The following GAA variants were observed in gnomAD, a reference collection of about 807,000 sequenced individuals.
GAA encodes the protein lysosomal alpha-glucosidase.
A neutral mutation model predicts 103.9 loss-of-function variants in GAA; 88 were observed. That is an observed-to-expected ratio of 0.85 (90% CI 0.71 to 1.01). The LOEUF (loss-of-function observed/expected upper bound fraction) is 1.01, where lower values mean the gene tolerates loss of function less well. Ranked by LOEUF, GAA falls within the 50% of genes least tolerant of loss-of-function variation. The pLI is 0.00. For synonymous variants in GAA, 572 were observed against 563.1 expected (o/e 1.02, Z -0.22); for missense variants, 1,350 against 1,305.3 (o/e 1.03, Z -0.53).
At chr17:80,106,019 G>C (rs754312456) in intron 3 of GAA, 125 bp downstream of exon 3, 18 of 1,296,562 alleles carry the variant, frequency 1.4e-5, no homozygotes, top group Non-Finnish European at 1.7e-5. Context: ...TTTCTCACAC[G>C]GCGGGGAGGG....
rs1598584611 is a variant in GAA at position 80,112,623 on chromosome 17, C to T, written c.1800C>T (p.Arg600=). 3.7e-6 allele frequency: 6 copies of T among 1,613,034 alleles called. No homozygotes were observed. The highest frequency in any genetic ancestry group is 1.7e-5 in the Admixed American group (1 of 60,028). ...ARGTRPFVIS[R]STFAGHGRYA... Reference sequence around the variant, plus strand: ...GGACACGCCCATTTGTGATCTCCCGCTCGACCTTTGCTGGCCACGGCCGAT... The same window carrying T: ...GGACACGCCCATTTGTGATCTCCCGTTCGACCTTTGCTGGCCACGGCCGAT... Residue 600 remains arginine (R), a synonymous_variant, in exon 13 of 20, where the codon CGC becomes CGT. Transcript: ENST00000302262.
In GAA at chr17:80,110,024, CCAA is replaced by C. The variant is rs748893499; in HGVS notation, c.1408_1410del (p.Asn470del). On this transcript the variant is annotated inframe_deletion, in exon 9 of 20. Coordinates refer to ENST00000302262, the MANE Select transcript of GAA (RefSeq NM_000152.5). ...GGTCTGCGGAGGGGGGTTTTCATCA[CCAA>C]CGAGACCGGCCAGCCGCTGATTGGG... is the stretch of plus-strand genomic sequence containing the variant. The C allele has an allele frequency of 2.5e-6, 4 of 1,613,282 alleles. No homozygotes were observed. Among genetic ancestry groups the C allele is most frequent in the East Asian group, 2.2e-5 (1 of 44,874 alleles).
In GAA at chr17:80,104,838, C is replaced by T. The variant is rs775079960; in HGVS notation, c.252C>T (p.Val84=). Residue 84 remains valine (V), a synonymous_variant, in exon 2 of 20, where the codon GTC becomes GTT. Coordinates refer to ENST00000302262, the MANE Select transcript of GAA (RefSeq NM_000152.5). This position sits in a 1 kb window ranked among gnomAD's most constrained non-coding sequence, Gnocchi z 4.0. ...GAGCAGTGCCCACACAGTGCGACGT[C>T]CCCCCCAACAGCCGCTTCGATTGCG... ...RPRAVPTQCD[V]PPNSRFDCAP... 5 of 1,612,208 alleles carry T rather than the reference C, an allele frequency of 3.1e-6. No individual in the cohort carries two copies. The highest frequency in any genetic ancestry group is 4.5e-5 in the East Asian group (2 of 44,842).
chr17:80,117,170 C>T (rs1011039293), intron 16 of GAA, 61 bp downstream of exon 16: 1 of 1,557,278 alleles, frequency 6.4e-7, no homozygotes, highest in Non-Finnish European at 8.8e-7. Context: ...TCCCACCTGC[C>T]CCCTCCACCC....
chr17:80,110,124 C>T (rs2039197716), intron 9 of GAA, 69 bp downstream of exon 9: 1 of 1,256,116 alleles, frequency 8.0e-7, no homozygotes, highest in African/African-American at 1.5e-5. Flanking sequence ...CCGGCAGCTG[C>T]TCAGGAAGAC....
In GAA at chr17:80,104,799, C is replaced by T. The variant is rs763739885; in HGVS notation, c.213C>T (p.His71=). ...CAGGGCCCCGGGATGCCCAGGCACA[C>T]CCCGGCCGTCCCAGAGCAGTGCCCA... The part of the protein sequence containing the change: ...SRPGPRDAQA[H]PGRPRAVPTQ... The change falls in exon 2 of 20, where the codon CAC becomes CAT. Residue 71 remains histidine, a synonymous_variant. Transcript: ENST00000302262. This position sits in a 1 kb window ranked among gnomAD's most constrained non-coding sequence, Gnocchi z 4.0. 1 of 1,611,952 alleles carries T rather than the reference C, an allele frequency of 6.2e-7. No homozygotes were observed. The highest frequency in any genetic ancestry group is 8.5e-7 in the Non-Finnish European group (1 of 1,179,622).
intron 5 of GAA, 74 bp downstream of exon 5, chr17:80,107,970 A>G: frequency 7.2e-7 from 1 of 1,397,718 alleles, no homozygotes; most frequent in Non-Finnish European, 9.9e-7. Context: ...GGAGGTCCGC[A>G]TGAGGGGCCC....
intron 2 of GAA, 145 bp downstream of exon 2, chr17:80,105,277 C>T (rs2039054773): frequency 8.5e-6 from 7 of 824,900 alleles, no homozygotes; most frequent in Admixed American, 2.8e-5. Context: ...CAGACAATGG[C>T]AGCGCCCCTC....
rs775172804 is a variant in GAA at position 80,108,523 on chromosome 17, C to T, written c.1110C>T (p.Gly370=). ...TCATGCCGCCATACTGGGGCCTGGG[C>T]TTCCACCTGTGCCGCTGGGGCTACT... The part of the protein sequence containing the change: ...YPFMPPYWGL[G]FHLCRWGYSS... The change falls in exon 7 of 20, where the codon GGC becomes GGT. Residue 370 remains glycine, a synonymous_variant. Coordinates refer to ENST00000302262, the MANE Select transcript of GAA (RefSeq NM_000152.5). The T allele has an allele frequency of 5.0e-6, 8 of 1,613,126 alleles. No individual in the cohort carries two copies. Among genetic ancestry groups the T allele is most frequent in the Non-Finnish European group, 6.8e-6 (8 of 1,179,960 alleles).
Position 80,119,334 on chromosome 17 carries a change from G to C in GAA, c.*3G>C. ...AGTTTCTCGTCAGCTGGTGTTAGCC[G>C]GGCGGAGTGTGTTAGTCTCTCCAGA... is the stretch of plus-strand genomic sequence containing the variant. On this transcript the variant is annotated 3_prime_UTR_variant, in exon 20 of 20. Transcript: ENST00000302262. 6.2e-7 allele frequency: 1 copy of C among 1,613,266 alleles called. No individual in the cohort carries two copies. Among genetic ancestry groups the C allele is most frequent in the Non-Finnish European group, 8.5e-7 (1 of 1,179,312 alleles).
At chr17:80,103,463 G>A (rs2038999946) in intron 1 of GAA, among the ~76,000 whole-genome samples, 1 of 152,146 alleles carries the variant, frequency 6.6e-6, no homozygotes, top group South Asian at 2.1e-4. Context: ...ACACACCAAA[G>A]GGACTCCCCT....
chr17:80,118,818 A>G lies in GAA; in HGVS notation c.2799+13A>G. 2 of 1,612,718 alleles carry G rather than the reference A, an allele frequency of 1.2e-6. No individual in the cohort carries two copies. Among genetic ancestry groups the G allele is most frequent in the Non-Finnish European group, 1.7e-6 (2 of 1,179,996 alleles). On this transcript the variant is annotated intron_variant, in intron 19 of 19. Coordinates refer to ENST00000302262, the MANE Select transcript of GAA (RefSeq NM_000152.5). The stretch of plus-strand genomic sequence containing the variant: ...CCCCGACACCAAGGCAAGAGGGCCC[A>G]GAGTGGCACAGGGATCGCGTCCCCC...
Position 80,118,745 on chromosome 17 carries a change from C to G in GAA, c.2739C>G (p.Pro913=), listed in dbSNP as rs370765733. 57 of 1,613,408 alleles carry G rather than the reference C, an allele frequency of 3.5e-5. No homozygotes were observed. Among genetic ancestry groups the G allele is most frequent in the Non-Finnish European group, 4.8e-5 (57 of 1,180,024 alleles). ...KVTVLGVATA[P]QQVLSNGVPV... is the part of the protein sequence containing the mutation. ...CTGTCCTGGGCGTGGCCACGGCGCC[C>G]CAGCAGGTCCTCTCCAACGGTGTCC... The change falls in exon 19 of 20, where the codon CCC becomes CCG. Residue 913 remains proline, a synonymous_variant. Coordinates refer to ENST00000302262, the MANE Select transcript of GAA (RefSeq NM_000152.5).
At chr17:80,105,396 C>G (rs553993747) in intron 2 of GAA, among the ~76,000 whole-genome samples, 40 of 152,270 alleles carry the variant, frequency 2.6e-4, no homozygotes, top group African/African-American at 9.6e-4. Flanking sequence ...CCAGAGGTTG[C>G]GAATGAAAAC....
In GAA at chr17:80,110,851, C is replaced by A; in HGVS notation, c.1551+11C>A. ...GACGGCATGTGGATTGTAAGTGTGG[C>A]CCCCTCCTGAGCATCCCCAAGGCCT... On this transcript the variant is annotated intron_variant, in intron 10 of 19. Coordinates refer to ENST00000302262, the MANE Select transcript of GAA (RefSeq NM_000152.5). 1 of 1,613,596 alleles carries A rather than the reference C, an allele frequency of 6.2e-7. No individual in the cohort carries two copies. Among genetic ancestry groups the A allele is most frequent in the South Asian group, 1.1e-5 (1 of 91,074 alleles).
At chr17:80,110,238 C>T (rs989346622) in intron 9 of GAA, among the ~76,000 whole-genome samples, 183 bp downstream of exon 9, 1 of 152,260 alleles carries the variant, frequency 6.6e-6, no homozygotes, top group Non-Finnish European at 1.5e-5. Flanking sequence ...CCCGTGAGTT[C>T]TTCCATCAGC....
rs775450536 is a variant in GAA, at chr17:80,112,604, G to C, written c.1781G>C (p.Arg594Pro). 1.2e-6 allele frequency: 2 copies of C among 1,612,944 alleles called. No individual in the cohort carries two copies. The highest frequency in any genetic ancestry group is 8.5e-7 in the Non-Finnish European group (1 of 1,179,952). ...GCGCTGGTGAAGGCTCGGGGGACAC[G>C]CCCATTTGTGATCTCCCGCTCGACC... is the stretch of plus-strand genomic sequence containing the variant. Reference protein sequence around the residue: ...HRALVKARGTRPFVISRSTFA... With the variant: ...HRALVKARGTPPFVISRSTFA... The change falls in exon 13 of 20, where the codon CGC becomes CCC. Residue 594 changes from arginine to proline, a missense_variant. By Grantham distance (103) the Arg-to-Pro change is moderately radical (BLOSUM62 -2). Transcript: ENST00000302262.
chr17:80,117,047 C>T lies in GAA; in HGVS notation c.2269C>T (p.Gln757Ter), dbSNP rs200483245. The change falls in exon 16 of 20, where the codon CAG (glutamine) becomes TAG (stop). Residue 757 changes from glutamine (Q) to a stop codon, truncating the protein, a stop_gained. Transcript: ENST00000302262. LOFTEE classifies it high-confidence loss of function. ...GEALLITPVL[Q>*]AGKAEVTGYF... ...GGCCCTGCTCATCACCCCAGTGCTCCAGGCCGGGAAGGCCGAAGTGACTGG... is the reference window on the plus strand; with the variant it reads ...GGCCCTGCTCATCACCCCAGTGCTCTAGGCCGGGAAGGCCGAAGTGACTGG... 1.2e-6 allele frequency: 2 copies of T among 1,613,622 alleles called. No homozygotes were observed. The highest frequency in any genetic ancestry group is 1.7e-6 in the Non-Finnish European group (2 of 1,180,022).
intron 19 of GAA, 33 bp downstream of exon 19, chr17:80,118,838 TC>T (rs1357680090): frequency 1.2e-6 from 2 of 1,610,418 alleles, no homozygotes; most frequent in Non-Finnish European, 8.5e-7. Context: ...AGGGATCGCG[TC>T]CCCCAGCCGT....
Sources: allele counts gnomAD v4.1 joint callset (sites outside exome capture counted in the v4.1 genomes callset), GRCh38; gene constraint gnomAD v4.1.1; non-coding constraint Gnocchi (gnomAD v3.1); transcripts MANE v1.5; gene names NCBI Gene and HGNC (gene_info 2026-07-23, HGNC 2026-07-21).